DUSP29: variants seen among roughly 807,000 people sequenced by gnomAD.
DUSP29 encodes atypical dual-specific protein phosphatase.
Under a neutral mutation model 13.5 loss-of-function variants are expected in DUSP29, and 12 were observed. That is an observed-to-expected ratio of 0.89 (90% confidence interval 0.57 to 1.44). The LOEUF (loss-of-function observed/expected upper bound fraction) is 1.44, where lower values mean the gene tolerates loss of function less well. Among genes scored for constraint, DUSP29 ranks in the 40% most tolerant of loss-of-function variants. The probability of loss-of-function intolerance (pLI) is 0.00; values close to 1 mark genes in which losing one functional copy is unlikely to be tolerated. For synonymous variants in DUSP29, 134 were observed against 128.7 expected (o/e 1.04, Z -0.28); for missense variants, 308 against 301.1 (o/e 1.02, Z -0.17).
At chr10:75,056,486 C>T (rs941892282) in intron 2 of DUSP29, among the ~76,000 whole-genome samples, 6 of 151,146 alleles carry the variant, frequency 4.0e-5, no homozygotes, top group Non-Finnish European at 7.4e-5. Context: ...CGAGATTGCG[C>T]CATTGAGGGA....
chr10:75,041,966 T>C (rs1352232838), intron 3 of DUSP29, among the ~76,000 whole-genome samples: 3 of 152,244 alleles, frequency 2.0e-5, no homozygotes. Context: ...CAAGCTTTCA[T>C]GTGAGTATAT....
chr10:75,043,689 G>A lies in DUSP29; in HGVS notation c.421+108C>T, dbSNP rs576500397. The stretch of plus-strand genomic sequence containing the variant: ...GGGCTAAGGGCGGAGCCTAGGCTAG[G>A]GGCGGAGCCTTAGTGGGGCGGGGAA... On this transcript the variant is annotated intron_variant, in intron 3 of 3. Coordinates refer to ENST00000338487, the MANE Select transcript of DUSP29 (RefSeq NM_001003892.3). The A allele has an allele frequency of 1.8e-5, 19 of 1,073,248 alleles. No homozygotes were observed. In the South Asian group the frequency reaches 2.7e-4, roughly 16 times the overall value. The allele number at this position is 1,073,248 out of a possible 1,614,324, so 66.5% of individuals were successfully genotyped here. A position where few individuals can be genotyped will look rare whatever the true frequency, so the allele number is the denominator to read the frequency against.
intron 1 of DUSP29, among the ~76,000 whole-genome samples, chr10:75,071,808 C>T (rs1290816863): frequency 2.0e-5 from 3 of 152,184 alleles, no homozygotes; most frequent in Admixed American, 1.3e-4. Context: ...CACCCTGGCC[C>T]GCCACACCCC....
chr10:75,043,726 T>C, intron 3 of DUSP29, 71 bp downstream of exon 3: 1 of 1,327,980 alleles, frequency 7.5e-7, no homozygotes, highest in South Asian at 1.4e-5. Flanking sequence ...GGGCGGGGCC[T>C]AAGCTACGGG....
At chr10:75,038,197 G>A in intron 3 of DUSP29, 120 bp from the exon 4 acceptor site, 9 of 1,327,832 alleles carry the variant, frequency 6.8e-6, no homozygotes, top group Non-Finnish European at 9.1e-6. Context: ...TCAGCACTGT[G>A]CCCCACAGCT....
chr10:75,073,324 C>A (rs1391715140), intron 1 of DUSP29, among the ~76,000 whole-genome samples: 6 of 152,168 alleles, frequency 3.9e-5, no homozygotes, highest in African/African-American at 1.4e-4. Context: ...TTTAATCCAC[C>A]CCATTATCCT....
intron 1 of DUSP29, among the ~76,000 whole-genome samples, chr10:75,066,851 T>C (rs1239037480): frequency 6.6e-6 from 1 of 152,200 alleles, no homozygotes; most frequent in African/African-American, 2.4e-5. Flanking sequence ...GCCTCCGTGG[T>C]GTCAGAAGGT....
intron 1 of DUSP29, among the ~76,000 whole-genome samples, chr10:75,070,504 A>G (rs1847307322): frequency 6.6e-6 from 1 of 152,220 alleles, no homozygotes; most frequent in Admixed American, 6.5e-5. Context: ...GCTGAATTAA[A>G]TGAGATAATG....
intron 1 of DUSP29, among the ~76,000 whole-genome samples, chr10:75,063,648 T>G (rs983274722): frequency 3.3e-5 from 5 of 151,992 alleles, no homozygotes; most frequent in African/African-American, 1.2e-4. Context: ...TTACACATCC[T>G]TCACTGGTTC....
At chr10:75,051,038 T>C (rs1005309799) in intron 2 of DUSP29, among the ~76,000 whole-genome samples, 3 of 152,240 alleles carry the variant, frequency 2.0e-5, no homozygotes, top group African/African-American at 7.2e-5. Flanking sequence ...TTAGCGATTT[T>C]GAAACCCGCA....
At chr10:75,050,817 G>A (rs562179745) in intron 2 of DUSP29, among the ~76,000 whole-genome samples, 89 of 152,340 alleles carry the variant, frequency 5.8e-4, no homozygotes, top group African/African-American at 1.9e-3. Context: ...CTGCAAGGTG[G>A]CCAGCCAGGC....
Position 75,045,172 on chromosome 10 carries a change from C to T in DUSP29, c.201-1155G>A, listed in dbSNP as rs538459319. 3.3e-5 allele frequency among the ~76,000 whole-genome samples: 5 copies of T among 152,274 alleles called. No individual in the cohort carries two copies. The South Asian group carries it at 6.2e-4, about 19-fold the overall frequency. On this transcript the variant is annotated intron_variant, in intron 2 of 3. Coordinates refer to ENST00000338487, the MANE Select transcript of DUSP29 (RefSeq NM_001003892.3). ...AGGAGTTCGAGACCAGCCTGGTCAA[C>T]GTGGCGAAACCCTGTCTCTACTAAT... is the stretch of plus-strand genomic sequence containing the variant.
At chr10:75,061,527 C>G (rs1214197785) in intron 1 of DUSP29, among the ~76,000 whole-genome samples, 1 of 152,206 alleles carries the variant, frequency 6.6e-6, no homozygotes, top group Non-Finnish European at 1.5e-5. Context: ...CGTAGGGGCG[C>G]AGGCATCTGT....
Position 75,038,002 on chromosome 10 carries a change from T to C in DUSP29, c.497A>G (p.Lys166Arg), listed in dbSNP as rs1846501451. ...TLVLAYLMIH[K>R]DMTLVDAIQQ... ...GATGGCGTCCACCAGGGTCATGTCC[T>C]TGTGGATCATCAGGTAGGCCAGGAC... Residue 166 changes from lysine (K) to arginine (R), a missense_variant, in exon 4 of 4, where the codon AAG (lysine) becomes AGG (arginine). Physicochemically the swap from Lys to Arg is conservative, Grantham distance 26. Coordinates refer to ENST00000338487, the MANE Select transcript of DUSP29 (RefSeq NM_001003892.3). 1 of 1,613,978 alleles carries C rather than the reference T, an allele frequency of 6.2e-7. No homozygotes were observed. The highest frequency in any genetic ancestry group is 8.5e-7 in the Non-Finnish European group (1 of 1,180,028).
At chr10:75,073,462 G>A (rs968218125) in intron 1 of DUSP29, among the ~76,000 whole-genome samples, 107 bp downstream of exon 1, 1 of 152,194 alleles carries the variant, frequency 6.6e-6, no homozygotes, top group Non-Finnish European at 1.5e-5. Context: ...ATTCCCCACA[G>A]CACCAGGAAC....
chr10:75,059,765 A>G (rs767706146), intron 1 of DUSP29, among the ~76,000 whole-genome samples: 9 of 152,340 alleles, frequency 5.9e-5, no homozygotes, highest in South Asian at 2.1e-4. Context: ...GACTCAGAAT[A>G]CAACTTGAAG....
intron 2 of DUSP29, among the ~76,000 whole-genome samples, chr10:75,053,837 C>T (rs532519997): frequency 1.3e-5 from 2 of 152,132 alleles, no homozygotes; most frequent in Admixed American, 6.5e-5. Flanking sequence ...TAAAGGGTTA[C>T]TGGCTGACTG....
At chr10:75,064,857 C>T (rs1218886856) in intron 1 of DUSP29, among the ~76,000 whole-genome samples, 2 of 151,522 alleles carry the variant, frequency 1.3e-5, no homozygotes, top group Non-Finnish European at 2.9e-5. Context: ...ATGTCAATAC[C>T]ATGGGTGACT....
At chr10:75,059,279 G>C (rs112919524) in intron 1 of DUSP29, among the ~76,000 whole-genome samples, 3,610 of 152,284 alleles carry the variant, frequency 0.024, 149 homozygotes, top group African/African-American at 0.082. Flanking sequence ...GGCTCTGCCA[G>C]TGGAATGTGG....
Sources: gnomAD v4.1 joint callset for allele counts (sites outside exome capture counted in the v4.1 genomes callset) on GRCh38, gnomAD v4.1.1 for gene constraint, MANE v1.5 for transcripts, NCBI Gene and HGNC (gene_info 2026-07-23, HGNC 2026-07-21) for gene names.